SS18: variants seen among roughly 807,000 people sequenced by gnomAD.
SS18 encodes the protein SS18 subunit of BAF chromatin remodeling complex.
SS18 carries 28 observed loss-of-function variants against 72.5 expected under a neutral mutation model. The observed-to-expected ratio is 0.39, with a 90% confidence interval of 0.29 to 0.53. SS18 has a LOEUF of 0.53. Among genes scored for constraint, SS18 ranks in the 20% least tolerant of loss-of-function variants. The pLI, the probability that SS18 is intolerant of heterozygous loss-of-function variation, is 0.76. For missense variants in SS18, 518 were observed against 535.3 expected, an observed-to-expected ratio of 0.97 and a Z score of 0.32; for synonymous variants, 172 against 164.2, an observed-to-expected ratio of 1.05 and a Z score of -0.37.
chr18:26,021,681 T>C (rs1329672120), intron 10 of SS18, among the ~76,000 whole-genome samples: 1 of 152,090 alleles, frequency 6.6e-6, no homozygotes, highest in Non-Finnish European at 1.5e-5. Context: ...GTTCAAAAGC[T>C]TTTCAAAAAG....
intron 1 of SS18, 30 bp from the exon 2 acceptor site, chr18:26,087,607 A>C: frequency 8.0e-7 from 1 of 1,253,658 alleles, no homozygotes; most frequent in Non-Finnish European, 1.1e-6. Flanking sequence ...GGTTTAGCAT[A>C]AAACTAGTGC....
At chr18:26,079,415 T>C (rs2054476888) in intron 2 of SS18, among the ~76,000 whole-genome samples, 2 of 44,248 alleles carry the variant, frequency 4.5e-5, no homozygotes, top group Non-Finnish European at 8.3e-5. Flanking sequence ...CTGCATCAAA[T>C]TGTTAGGCTT....
intron 9 of SS18, among the ~76,000 whole-genome samples, 194 bp from the exon 10 acceptor site, chr18:26,032,726 T>C (rs1181656938): frequency 6.6e-6 from 1 of 152,224 alleles, no homozygotes; most frequent in Non-Finnish European, 1.5e-5. Flanking sequence ...TACTGTAATG[T>C]TACTTCACTA....
chr18:26,068,559 T>A (rs1470004156), intron 3 of SS18: 1 of 152,216 alleles, frequency 6.6e-6, no homozygotes, highest in Non-Finnish European at 1.5e-5. Context: ...GAATCACACC[T>A]GTAAAAAGGA....
intron 7 of SS18, 38 bp downstream of exon 7, chr18:26,038,517 G>C: frequency 6.5e-7 from 1 of 1,528,184 alleles, no homozygotes; most frequent in Non-Finnish European, 9.1e-7. Flanking sequence ...TATTAGGCAG[G>C]GATAGAAAAT....
In SS18 at chr18:26,016,732, A is replaced by AAACAAAG. The variant is rs1420093073; in HGVS notation, c.*1615_*1621dup. On this transcript the variant is annotated 3_prime_UTR_variant, in exon 11 of 11. Transcript: ENST00000415083. The stretch of plus-strand genomic sequence containing the variant: ...GAGCAAGACTCCATCTCAAAAAAAA[A>AAACAAAG]AACAAAGAACAAAAAACAAAAACAA... The AAACAAAG allele has an allele frequency of 1.8e-5, 4 of 224,050 alleles. No individual in the cohort carries two copies. Among genetic ancestry groups the AAACAAAG allele is most frequent in the African/African-American group, 8.9e-5 (4 of 44,786 alleles). 13.9% of individuals were successfully genotyped at this position (224,050 alleles called of 1,614,324 possible).
intron 5 of SS18, among the ~76,000 whole-genome samples, chr18:26,051,679 A>G (rs1415581273): frequency 6.6e-6 from 1 of 152,162 alleles, no homozygotes; most frequent in Admixed American, 6.5e-5. Flanking sequence ...AAATAATTCT[A>G]CCATAAGCAT....
chr18:26,063,015 T>C (rs2054150968), intron 3 of SS18, among the ~76,000 whole-genome samples: 1 of 152,186 alleles, frequency 6.6e-6, no homozygotes, highest in Admixed American at 6.5e-5. Flanking sequence ...TAGTAACCAA[T>C]TTGTTTGACC....
Position 26,017,857 on chromosome 18 carries a change from C to T in SS18, c.*497G>A. 4.4e-6 allele frequency: 1 copy of T among 229,438 alleles called. No homozygotes were observed. The highest frequency in any genetic ancestry group is 8.6e-6 in the Non-Finnish European group (1 of 115,642). 14.2% of individuals were successfully genotyped at this position (229,438 alleles called of 1,614,324 possible). On this transcript the variant is annotated 3_prime_UTR_variant, in exon 11 of 11. Transcript: ENST00000415083. ...CAAGCATCTACCATGTTCCAGTCCA[C>T]ATTAACAGAGGATTTCTGATGCTGT...
At chr18:26,073,519 TATGCTAAGTGCAC>T (rs1185797448) in intron 3 of SS18, among the ~76,000 whole-genome samples, 1 of 152,248 alleles carries the variant, frequency 6.6e-6, no homozygotes, top group Non-Finnish European at 1.5e-5. Context: ...GTTTGCCTTT[TATGCTAAGTGCAC>T]ATTTATAATG....
At position 26,018,213 on chromosome 18, in the gene SS18, C is replaced by T; in HGVS notation, c.*141G>A. The T allele has an allele frequency of 1.6e-6, 1 of 630,154 alleles. No homozygotes were observed. Among genetic ancestry groups the T allele is most frequent in the Non-Finnish European group, 2.7e-6 (1 of 365,356 alleles). The allele number at this position is 630,154 out of a possible 1,614,324, so 39.0% of individuals were successfully genotyped here. On this transcript the variant is annotated 3_prime_UTR_variant, in exon 11 of 11. Transcript: ENST00000415083. ...ATAACTAAACCACAAAGGCTGCTTA[C>T]TGATGAAACAGCCACTTATCCACAA... is the stretch of plus-strand genomic sequence containing the variant.
intron 4 of SS18, among the ~76,000 whole-genome samples, chr18:26,053,102 G>A (rs2053951808): frequency 6.6e-6 from 1 of 152,138 alleles, no homozygotes; most frequent in Non-Finnish European, 1.5e-5. Context: ...TCATAAAAGA[G>A]CAAAACATAT....
chr18:26,066,581 T>C (rs2054221948), intron 3 of SS18, among the ~76,000 whole-genome samples: 1 of 149,116 alleles, frequency 6.7e-6, no homozygotes, highest in Non-Finnish European at 1.5e-5. Context: ...CTGATTTTAA[T>C]ATAGTTCTGG....
At chr18:26,042,235 T>G (rs991257029) in intron 5 of SS18, among the ~76,000 whole-genome samples, 2 of 152,132 alleles carry the variant, frequency 1.3e-5, no homozygotes, top group African/African-American at 2.4e-5. Context: ...TACTGCAGAG[T>G]GAAATAGCAT....
chr18:26,031,608 A>T (rs1382188620), intron 10 of SS18, among the ~76,000 whole-genome samples: 1 of 152,226 alleles, frequency 6.6e-6, no homozygotes, highest in Non-Finnish European at 1.5e-5. Context: ...TCATAAAACG[A>T]TGACTGTGGT....
intron 3 of SS18, 59 bp from the exon 4 acceptor site, chr18:26,057,801 G>C: frequency 6.9e-7 from 1 of 1,459,636 alleles, no homozygotes. Flanking sequence ...AAGATGCATA[G>C]GGTAAAAGAG....
chr18:26,088,517 G>A (rs16942126), intron 1 of SS18, among the ~76,000 whole-genome samples: 14,446 of 152,146 alleles, frequency 0.095, 1,031 homozygotes, highest in African/African-American at 0.18. Flanking sequence ...AAGTTTAAGA[G>A]GAAAAACATA....
intron 9 of SS18, among the ~76,000 whole-genome samples, chr18:26,034,340 T>C (rs2053592634): frequency 6.6e-6 from 1 of 152,232 alleles, no homozygotes; most frequent in African/African-American, 2.4e-5. Context: ...GTGGTTATAG[T>C]AGCCTGAGAG....
intron 10 of SS18, among the ~76,000 whole-genome samples, chr18:26,025,187 G>A (rs1030705976): frequency 2.6e-5 from 4 of 152,026 alleles, no homozygotes; most frequent in African/African-American, 7.2e-5. Context: ...AGTGAAACCA[G>A]GATGTATTTT....
Sources: gnomAD v4.1 joint callset for allele counts (sites outside exome capture counted in the v4.1 genomes callset) on GRCh38, gnomAD v4.1.1 for gene constraint, MANE v1.5 for transcripts, NCBI Gene and HGNC (gene_info 2026-07-23, HGNC 2026-07-21) for gene names.